The following RASGEF1C variants were observed in gnomAD, a reference collection of about 807,000 sequenced individuals.
RASGEF1C encodes RasGEF domain family member 1C.
In RASGEF1C, 27 loss-of-function variants were observed where a neutral mutation model predicts 58.1. That is an observed-to-expected ratio of 0.46 (90% CI 0.34 to 0.64). RASGEF1C has a LOEUF of 0.64. Among genes scored for constraint, RASGEF1C ranks in the 30% least tolerant of loss-of-function variants. The pLI is 0.01. For synonymous variants in RASGEF1C, 243 were observed against 246.3 expected (o/e 0.99, Z 0.13); for missense variants, 502 against 605.1 (o/e 0.83, Z 1.79).
At chr5:180,188,269 C>G (rs909657227) in intron 1 of RASGEF1C, among the ~76,000 whole-genome samples, 2 of 152,120 alleles carry the variant, frequency 1.3e-5, no homozygotes, top group African/African-American at 4.8e-5. Flanking sequence ...TATGAAATAT[C>G]CAGAATAGGT....
intron 4 of RASGEF1C, among the ~76,000 whole-genome samples, chr5:180,128,984 TG>T (rs1045867210): frequency 1.3e-5 from 2 of 152,218 alleles, no homozygotes; most frequent in African/African-American, 4.8e-5. Flanking sequence ...AGACATGGCA[TG>T]GGCCCTGCCC....
In RASGEF1C at chr5:180,176,848, G is replaced by A. The variant is rs62406140; in HGVS notation, c.-7+32180C>T. Among the ~76,000 whole-genome samples, 882 of 152,256 alleles carry A rather than the reference G, an allele frequency of 5.8e-3. 3 individuals carry two copies. Among genetic ancestry groups the A allele is most frequent in the Non-Finnish European group, 9.9e-3 (671 of 68,004 alleles). On this transcript the variant is annotated intron_variant, in intron 1 of 13. Coordinates refer to ENST00000361132, the MANE Select transcript of RASGEF1C (RefSeq NM_175062.4). ...TGGGATTACAGGCGTGAGCCACCGC[G>A]CCTGGTCCCGGGGCTAATACTTTTT...
At chr5:180,161,196 CCA>C (rs1766938588) in intron 1 of RASGEF1C, among the ~76,000 whole-genome samples, 2 of 152,218 alleles carry the variant, frequency 1.3e-5, no homozygotes, top group African/African-American at 4.8e-5. Context: ...CCCACAGCCC[CCA>C]GACTAGAAAA....
Position 180,137,493 on chromosome 5 carries a change from G to T in RASGEF1C, c.300+97C>A. ...CGGTAGCCACCTTGTCAGGAAAACGGGGACAATCATTGCCTCCCCGAGAGG... is the reference window on the plus strand; with the variant it reads ...CGGTAGCCACCTTGTCAGGAAAACGTGGACAATCATTGCCTCCCCGAGAGG... On this transcript the variant is annotated intron_variant, in intron 3 of 13. Coordinates refer to ENST00000361132, the MANE Select transcript of RASGEF1C (RefSeq NM_175062.4). The surrounding 1 kb of genome is among the most constrained non-coding windows in gnomAD (Gnocchi z 4.1). 6.6e-7 allele frequency: 1 copy of T among 1,505,372 alleles called. No individual in the cohort carries two copies. 93.3% of individuals were successfully genotyped at this position (1,505,372 alleles called of 1,614,324 possible).
chr5:180,163,362 T>C lies in RASGEF1C; in HGVS notation c.-6-25304A>G, dbSNP rs142512318. 1.1e-4 allele frequency among the ~76,000 whole-genome samples: 16 copies of C among 151,634 alleles called. No individual in the cohort carries two copies. In the East Asian group the frequency reaches 2.9e-3, roughly 28 times the overall value. ...GGAGAAAATATTCAGTCTTTTACCATTAAATATGATATTAGCGGTAGGTTT... is the reference window on the plus strand; with the variant it reads ...GGAGAAAATATTCAGTCTTTTACCACTAAATATGATATTAGCGGTAGGTTT... On this transcript the variant is annotated intron_variant, in intron 1 of 13. Coordinates refer to ENST00000361132, the MANE Select transcript of RASGEF1C (RefSeq NM_175062.4).
In RASGEF1C at chr5:180,119,265, C is replaced by G. The variant is rs1766126409; in HGVS notation, c.907+81G>C. On this transcript the variant is annotated intron_variant, in intron 8 of 13. Transcript: ENST00000361132. ...GCTCAGAGGAGAGCCCTGGCTTGCA[C>G]TCTGCCTGCCTGGCTGCACCCACTC... The G allele has an allele frequency of 1.6e-5, 20 of 1,216,790 alleles. 1 individual carries two copies. In the South Asian group the frequency reaches 2.2e-4, roughly 13 times the overall value. The allele number at this position is 1,216,790 out of a possible 1,614,324, so 75.4% of individuals were successfully genotyped here.
chr5:180,111,626 G>A, intron 11 of RASGEF1C, 46 bp from the exon 12 acceptor site: 1 of 1,611,324 alleles, frequency 6.2e-7, no homozygotes. Context: ...CCAGTGCCTG[G>A]AGGTCCCCAT....
At chr5:180,208,770 G>A (rs896382077) in intron 1 of RASGEF1C, among the ~76,000 whole-genome samples, 5 of 151,842 alleles carry the variant, frequency 3.3e-5, no homozygotes, top group Non-Finnish European at 7.4e-5. Flanking sequence ...AGCAGGGGCT[G>A]GCGGCGCGCG....
intron 4 of RASGEF1C, among the ~76,000 whole-genome samples, chr5:180,133,964 C>A (rs915763321): frequency 2.6e-4 from 39 of 152,272 alleles, no homozygotes; most frequent in African/African-American, 8.9e-4. Flanking sequence ...AGGTATTATC[C>A]TGTTTTACCG....
intron 1 of RASGEF1C, among the ~76,000 whole-genome samples, chr5:180,193,387 T>G (rs1250890664): frequency 1.3e-5 from 2 of 152,158 alleles, no homozygotes; most frequent in Non-Finnish European, 2.9e-5. Context: ...TTTCACCTTT[T>G]TTAACGTGGC....
At chr5:180,202,770 T>C (rs1678106914) in intron 1 of RASGEF1C, among the ~76,000 whole-genome samples, 1 of 151,096 alleles carries the variant, frequency 6.6e-6, no homozygotes, top group Admixed American at 6.6e-5. Flanking sequence ...TGGCACAATC[T>C]CGGCTCACTG....
chr5:180,137,927 G>A lies in RASGEF1C; in HGVS notation c.126C>T (p.Ser42=). Residue 42 remains serine, a synonymous_variant, in exon 2 of 14, where the codon TCC becomes TCT. Transcript: ENST00000361132. This position sits in a 1 kb window ranked among gnomAD's most constrained non-coding sequence, Gnocchi z 4.1. The part of the protein sequence containing the change: ...PLLDGAPSSA[S]LETLIQHLVP... ...CCAGGTGCTGGATCAGTGTTTCCAG[G>A]GAGGCTGAGGATGGCGCTCCATCCA... 1 of 1,613,344 alleles carries A rather than the reference G, an allele frequency of 6.2e-7. No homozygotes were observed. The highest frequency in any genetic ancestry group is 1.1e-5 in the South Asian group (1 of 91,060).
At chr5:180,126,529 T>C (rs909908474) in intron 6 of RASGEF1C, among the ~76,000 whole-genome samples, 3 of 152,312 alleles carry the variant, frequency 2.0e-5, no homozygotes, top group Admixed American at 2.0e-4. Flanking sequence ...TGGTTTTGTG[T>C]TACCCTCTTT....
At chr5:180,174,025 G>C (rs1475656799) in intron 1 of RASGEF1C, among the ~76,000 whole-genome samples, 1 of 151,916 alleles carries the variant, frequency 6.6e-6, no homozygotes. Context: ...CAGAAAGTTG[G>C]GGAAGTGTGG....
intron 1 of RASGEF1C, among the ~76,000 whole-genome samples, chr5:180,192,658 A>C (rs2127563041): frequency 6.6e-6 from 1 of 152,290 alleles, no homozygotes; most frequent in Non-Finnish European, 1.5e-5. Context: ...AAAATAAATA[A>C]TTAGTAACTT....
chr5:180,122,201 C>G (rs4700713), intron 6 of RASGEF1C, among the ~76,000 whole-genome samples: 38,813 of 151,970 alleles, frequency 0.26, 6,141 homozygotes, highest in East Asian at 0.46. Context: ...CCTTGCATTT[C>G]CCCCCGGGAG....
chr5:180,185,872 C>A (rs116039553), intron 1 of RASGEF1C, among the ~76,000 whole-genome samples: 2 of 151,882 alleles, frequency 1.3e-5, no homozygotes, highest in Non-Finnish European at 2.9e-5. Flanking sequence ...CTAAGGCAGG[C>A]ACATAACTTG....
At chr5:180,114,981 T>G (rs1309811259) in intron 10 of RASGEF1C, among the ~76,000 whole-genome samples, 1 of 152,148 alleles carries the variant, frequency 6.6e-6, no homozygotes, top group Non-Finnish European at 1.5e-5. Context: ...TGAAGACACA[T>G]GGAATAGATG....
chr5:180,198,577 G>A lies in RASGEF1C; in HGVS notation c.-7+10451C>T, dbSNP rs1366911867. 6.6e-6 allele frequency among the ~76,000 whole-genome samples: 1 copy of A among 152,172 alleles called. No individual in the cohort carries two copies. The highest frequency in any genetic ancestry group is 1.5e-5 in the Non-Finnish European group (1 of 68,030). ...GCCTCCCTCCTGCATCTTCACATGG[G>A]GGAAGGACAACAGCTCCCTCATACC... On this transcript the variant is annotated intron_variant, in intron 1 of 13. Coordinates refer to ENST00000361132, the MANE Select transcript of RASGEF1C (RefSeq NM_175062.4). The surrounding 1 kb of genome is among the most constrained non-coding windows in gnomAD (Gnocchi z 4.5).
Sources: allele counts gnomAD v4.1 joint callset (sites outside exome capture counted in the v4.1 genomes callset), GRCh38; gene constraint gnomAD v4.1.1; non-coding constraint Gnocchi (gnomAD v3.1); transcripts MANE v1.5; gene names NCBI Gene and HGNC (gene_info 2026-07-23, HGNC 2026-07-21).